Variants in CAST observed in about 807,000 individuals in gnomAD.
CAST encodes calpastatin, also known as MIR583 host.
CAST carries 76 observed loss-of-function variants against 119.6 expected under a neutral mutation model. That is an observed-to-expected ratio of 0.64 (90% CI 0.53 to 0.77). CAST has a LOEUF of 0.77. Among genes scored for constraint, CAST ranks in the 30% least tolerant of loss-of-function variants. The pLI is 0.00. For synonymous variants in CAST, 319 were observed against 331.6 expected (o/e 0.96, Z 0.41); for missense variants, 953 against 946.5 (o/e 1.01, Z -0.09).
the CAST span, among the ~76,000 whole-genome samples, chr5:96,457,543 C>A: frequency 6.6e-6 from 1 of 152,188 alleles, no homozygotes; most frequent in Non-Finnish European, 1.5e-5. Flanking sequence ...TTGCTCCAGC[C>A]ACCCTGGCTG....
chr5:96,524,528 C>T (rs916807354), upstream of CAST, among the ~76,000 whole-genome samples: 3 of 152,206 alleles, frequency 2.0e-5, no homozygotes, highest in Non-Finnish European at 2.9e-5. Flanking sequence ...GACACCCACA[C>T]ATCCCATATG....
the CAST span, among the ~76,000 whole-genome samples, chr5:96,411,998 G>A: frequency 1.3e-5 from 2 of 152,262 alleles, no homozygotes; most frequent in East Asian, 3.9e-4. Flanking sequence ...CTAGGTTGCA[G>A]AACAGTGCAA....
At chr5:96,361,235 A>G in the CAST span, among the ~76,000 whole-genome samples, 3 of 152,182 alleles carry the variant, frequency 2.0e-5, no homozygotes, top group African/African-American at 7.2e-5. Context: ...GGCAGCAAGA[A>G]TTTCAAGCCA....
At chr5:96,151,735 A>G in the CAST span, among the ~76,000 whole-genome samples, 1 of 152,238 alleles carries the variant, frequency 6.6e-6, no homozygotes, top group Non-Finnish European at 1.5e-5. Flanking sequence ...GTTTTAACCA[A>G]GAATATTTTC....
chr5:96,772,394 G>A (rs1476485952), intron 31 of CAST: 2 of 151,518 alleles, frequency 1.3e-5, no homozygotes, highest in Non-Finnish European at 3.0e-5. Flanking sequence ...AGGTTAAATC[G>A]GGTTCAGCTC....
the CAST span, among the ~76,000 whole-genome samples, chr5:96,240,095 A>G: frequency 1.3e-5 from 2 of 152,152 alleles, no homozygotes; most frequent in Non-Finnish European, 2.9e-5. Flanking sequence ...TTGTTTTTCC[A>G]TCTTGAATGT....
At chr5:96,679,094 C>T (rs900728144) in intron 2 of CAST, among the ~76,000 whole-genome samples, 1 of 151,904 alleles carries the variant, frequency 6.6e-6, no homozygotes, top group Non-Finnish European at 1.5e-5. Context: ...TGACCTCCCC[C>T]GCTCAAGTAA....
chr5:96,023,866 C>T, the CAST span, among the ~76,000 whole-genome samples: 1 of 151,996 alleles, frequency 6.6e-6, no homozygotes, highest in East Asian at 1.9e-4. Context: ...TTTCAGAGGC[C>T]TGGATAGTTA....
intron 1 of CAST, among the ~76,000 whole-genome samples, chr5:96,616,795 C>CAT (rs1208864674): frequency 1.5e-5 from 2 of 135,428 alleles, no homozygotes; most frequent in South Asian, 2.4e-4. Flanking sequence ...CACACACACA[C>CAT]ATATACATAT....
In CAST at chr5:96,770,515, A is replaced by G; in HGVS notation, c.2269-16A>G. 2 of 1,593,382 alleles carry G rather than the reference A, an allele frequency of 1.3e-6. No homozygotes were observed. The highest frequency in any genetic ancestry group is 1.7e-6 in the Non-Finnish European group (2 of 1,161,434). On this transcript the variant is annotated splice_polypyrimidine_tract_variant and intron_variant, in intron 29 of 31. Coordinates refer to ENST00000675179, the MANE Select transcript of CAST (RefSeq NM_001750.7). ...TTGGTGATAGCCATAGCCTCATTACATTTCCTTTGCTTTAGGATAAGTGCA... is the reference window on the plus strand; with the variant it reads ...TTGGTGATAGCCATAGCCTCATTACGTTTCCTTTGCTTTAGGATAAGTGCA...
At chr5:96,567,502 A>G (rs1049791644) in intron 1 of CAST, among the ~76,000 whole-genome samples, 1 of 152,048 alleles carries the variant, frequency 6.6e-6, no homozygotes, top group East Asian at 1.9e-4. Context: ...AATCAGTCCT[A>G]ATTCATCCTT....
chr5:96,726,677 G>A (rs1326666575), intron 4 of CAST, 117 bp from the exon 5 acceptor site: 8 of 664,326 alleles, frequency 1.2e-5, no homozygotes, highest in Non-Finnish European at 2.1e-5. Flanking sequence ...CATATGCATC[G>A]AGTAGATGCA....
intron 1 of CAST, among the ~76,000 whole-genome samples, chr5:96,548,878 A>G (rs263376): frequency 0.82 from 124,367 of 152,150 alleles, 51,036 homozygotes; most frequent in East Asian, 1. Context: ...TTTTCCCCAG[A>G]CCAGAGTTAG....
chr5:96,386,963 T>TCAAAAA, the CAST span, among the ~76,000 whole-genome samples: 3 of 152,084 alleles, frequency 2.0e-5, no homozygotes, highest in Non-Finnish European at 4.4e-5. Flanking sequence ...AAACTCCATC[T>TCAAAAA]CAAAAACAAA....
chr5:96,191,186 G>T, the CAST span, among the ~76,000 whole-genome samples: 1 of 152,188 alleles, frequency 6.6e-6, no homozygotes, highest in Admixed American at 6.5e-5. Context: ...TGTGCTAAAG[G>T]AAATTATTCT....
chr5:96,382,290 T>C, the CAST span, among the ~76,000 whole-genome samples: 1 of 152,210 alleles, frequency 6.6e-6, no homozygotes, highest in Non-Finnish European at 1.5e-5. Context: ...TATGCGACCT[T>C]GATCAGGTGA....
At position 96,690,372 on chromosome 5, in the gene CAST, C is replaced by T. The variant is rs138291043; in HGVS notation, c.139-5464C>T. On this transcript the variant is annotated intron_variant, in intron 2 of 31. Coordinates refer to ENST00000675179, the MANE Select transcript of CAST (RefSeq NM_001750.7). ...TCAGCCTCCCAAGTAGCTGGGGTTA[C>T]AGACATGCGCCATTACACCCAGCTA... Among the ~76,000 whole-genome samples the T allele has an allele frequency of 3.7e-3, 565 of 152,194 alleles. 3 individuals carry two copies. The highest frequency in any genetic ancestry group is 0.013 in the African/African-American group (536 of 41,516).
chr5:96,016,500 C>T, the CAST span, among the ~76,000 whole-genome samples: 2 of 152,182 alleles, frequency 1.3e-5, no homozygotes, highest in African/African-American at 2.4e-5. Context: ...CTCCTTATCT[C>T]CTTTCTCCTA....
intron 1 of CAST, among the ~76,000 whole-genome samples, chr5:96,536,017 G>A (rs916926733): frequency 2.2e-5 from 3 of 136,498 alleles, no homozygotes; most frequent in Non-Finnish European, 3.1e-5. Context: ...ATAACCATAT[G>A]TTAAATATTT....
Sources: gnomAD v4.1 joint callset for allele counts (sites outside exome capture counted in the v4.1 genomes callset) on GRCh38, gnomAD v4.1.1 for gene constraint, MANE v1.5 for transcripts, NCBI Gene and HGNC (gene_info 2026-07-23, HGNC 2026-07-21) for gene names.